Variants in ERBB4 observed in about 807,000 individuals in gnomAD.
The protein encoded by ERBB4 is erb-b2 receptor tyrosine kinase 4, also known as receptor tyrosine-protein kinase erbB-4.
ERBB4 carries 42 observed loss-of-function variants against 158.0 expected under a neutral mutation model. The ratio of observed to expected loss-of-function variants is 0.27; its 90% CI spans 0.21 to 0.34. ERBB4 has a LOEUF of 0.34. Among genes scored for constraint, ERBB4 ranks in the 10% least tolerant of loss-of-function variants. The probability of loss-of-function intolerance (pLI) is 1.00; values close to 1 mark genes in which losing one functional copy is unlikely to be tolerated. For missense variants in ERBB4, 1,333 were observed against 1,624.1 expected, an observed-to-expected ratio of 0.82 and a Z score of 3.08; for synonymous variants, 583 against 558.7, an observed-to-expected ratio of 1.04 and a Z score of -0.61.
chr2:212,172,724 T>C (rs1457252550), intron 1 of ERBB4, among the ~76,000 whole-genome samples: 2 of 152,016 alleles, frequency 1.3e-5, no homozygotes, highest in East Asian at 1.9e-4. Context: ...AAGTGGGAGC[T>C]AAATGATGAG....
intron 4 of ERBB4, among the ~76,000 whole-genome samples, chr2:211,775,550 C>A (rs2075851325): frequency 6.6e-6 from 1 of 152,214 alleles, no homozygotes; most frequent in Non-Finnish European, 1.5e-5. Flanking sequence ...ATGAAATCTT[C>A]TGGCCATAAG....
intron 1 of ERBB4, among the ~76,000 whole-genome samples, chr2:212,139,965 T>C (rs570605805): frequency 6.6e-6 from 1 of 152,028 alleles, no homozygotes; most frequent in Non-Finnish European, 1.5e-5. Flanking sequence ...TCTACTGATA[T>C]TATTTGCCAG....
intron 3 of ERBB4, among the ~76,000 whole-genome samples, chr2:211,892,641 G>T (rs1249241112): frequency 1.4e-5 from 2 of 145,842 alleles, no homozygotes; most frequent in Non-Finnish European, 3.0e-5. Context: ...CAGATGACGT[G>T]ATTGTATATC....
rs58919262 is a variant in ERBB4 at position 211,580,787 on chromosome 2, G to GAT, written c.2302-18701_2302-18700dup. ...ATCAACGGGTAGATAAAGAAATTGT[G>GAT]ATATATATATATATATATATATATA... On this transcript the variant is annotated intron_variant, in intron 19 of 27. Transcript: ENST00000342788. Among the ~76,000 whole-genome samples the GAT allele has an allele frequency of 3.2e-3, 216 of 67,710 alleles. 4 individuals are homozygous for GAT. The highest frequency in any genetic ancestry group is 6.6e-3 in the South Asian group (12 of 1,818). 44.4% of individuals were successfully genotyped at this position (67,710 alleles called of 152,430 possible).
intron 19 of ERBB4, among the ~76,000 whole-genome samples, chr2:211,586,026 C>T (rs910102956): frequency 8.5e-5 from 13 of 152,062 alleles, no homozygotes; most frequent in South Asian, 2.1e-4. Context: ...AAAATATTTC[C>T]TGCCTTCCTT....
chr2:212,281,684 C>G (rs536458629), intron 1 of ERBB4, among the ~76,000 whole-genome samples: 14 of 151,770 alleles, frequency 9.2e-5, no homozygotes, highest in Non-Finnish European at 1.8e-4. Context: ...GCCTTGAAGT[C>G]TCTATGGCAC....
At chr2:211,499,235 G>A (rs1019049428) in intron 20 of ERBB4, among the ~76,000 whole-genome samples, 2 of 152,002 alleles carry the variant, frequency 1.3e-5, no homozygotes, top group South Asian at 2.1e-4. Flanking sequence ...TGAGAAAACT[G>A]TGACTCAGGC....
chr2:211,455,517 G>A (rs569768871), intron 20 of ERBB4, among the ~76,000 whole-genome samples: 1 of 152,108 alleles, frequency 6.6e-6, no homozygotes, highest in Admixed American at 6.5e-5. Context: ...GGAAAAAAGG[G>A]AAAAGCTTCA....
intron 9 of ERBB4, among the ~76,000 whole-genome samples, chr2:211,710,042 C>G (rs56350864): frequency 6.6e-6 from 1 of 151,768 alleles, no homozygotes; most frequent in Non-Finnish European, 1.5e-5. Context: ...CTTACTTTTT[C>G]GTATTTCTTT....
intron 4 of ERBB4, among the ~76,000 whole-genome samples, chr2:211,754,444 C>G (rs1402618465): frequency 4.9e-5 from 7 of 142,788 alleles, no homozygotes; most frequent in Admixed American, 3.0e-4. Context: ...CTCTGTTGCA[C>G]AGGCTGGAGT....
At chr2:211,779,012 A>G (rs2075968653) in intron 4 of ERBB4, 2 of 152,156 alleles carry the variant, frequency 1.3e-5, no homozygotes, top group African/African-American at 4.8e-5. Context: ...ATGGTAACAT[A>G]TTATTCTGGA....
chr2:212,262,783 C>T lies in ERBB4; in HGVS notation c.83-137880G>A, dbSNP rs569155276. Among the ~76,000 whole-genome samples, 125 of 152,106 alleles carry T rather than the reference C, an allele frequency of 8.2e-4. 1 individual carries two copies. Among genetic ancestry groups the T allele is most frequent in the South Asian group, 1.5e-3 (7 of 4,808 alleles). On this transcript the variant is annotated intron_variant, in intron 1 of 27. Transcript: ENST00000342788. ...CTTCTCTTTATTTTCTCTCTGTAAG[C>T]TTATGGAACACATATAACAAAAACT...
chr2:212,404,405 T>C (rs1182422319), intron 1 of ERBB4, among the ~76,000 whole-genome samples: 1 of 152,092 alleles, frequency 6.6e-6, no homozygotes, highest in Non-Finnish European at 1.5e-5. Flanking sequence ...ATTGATTCAC[T>C]CATTTATCCA....
At chr2:211,870,957 T>C (rs892757909) in intron 3 of ERBB4, among the ~76,000 whole-genome samples, 6 of 152,318 alleles carry the variant, frequency 3.9e-5, no homozygotes, top group African/African-American at 1.4e-4. Context: ...CACAAGGCCC[T>C]GGCATAAATT....
At chr2:211,575,660 A>G (rs1220331441) in intron 19 of ERBB4, among the ~76,000 whole-genome samples, 1 of 152,164 alleles carries the variant, frequency 6.6e-6, no homozygotes, top group South Asian at 2.1e-4. Context: ...CAGTTAATTA[A>G]TGACATTCAT....
chr2:211,600,773 G>GT (rs1039278140), intron 19 of ERBB4, among the ~76,000 whole-genome samples: 6 of 151,604 alleles, frequency 4.0e-5, no homozygotes, highest in African/African-American at 1.2e-4. Context: ...TTTCTTTTTG[G>GT]TTTTTTTTGA....
At chr2:212,135,156 T>G (rs2080233320) in intron 1 of ERBB4, among the ~76,000 whole-genome samples, 1 of 152,136 alleles carries the variant, frequency 6.6e-6, no homozygotes, top group African/African-American at 2.4e-5. Context: ...TATCTAAAAT[T>G]GAATTGATCT....
chr2:212,053,940 A>G (rs1421670577), intron 2 of ERBB4, among the ~76,000 whole-genome samples: 1 of 152,212 alleles, frequency 6.6e-6, no homozygotes, highest in Non-Finnish European at 1.5e-5. Flanking sequence ...ATTGTTTATT[A>G]AAAGTCACTC....
chr2:212,288,124 A>G (rs549299050), intron 1 of ERBB4, among the ~76,000 whole-genome samples: 12 of 152,270 alleles, frequency 7.9e-5, no homozygotes, highest in African/African-American at 2.2e-4. Context: ...TTAAGATAGT[A>G]AGAGTGTCCT....
Sources: gnomAD v4.1 joint callset for allele counts (sites outside exome capture counted in the v4.1 genomes callset) on GRCh38, gnomAD v4.1.1 for gene constraint, MANE v1.5 for transcripts, NCBI Gene and HGNC (gene_info 2026-07-23, HGNC 2026-07-21) for gene names.